NREP: variants seen among roughly 807,000 people sequenced by gnomAD.
The protein encoded by NREP is neuronal regeneration-related protein.
Under a neutral mutation model 8.6 loss-of-function variants are expected in NREP, and 5 were observed. The ratio of observed to expected loss-of-function variants is 0.58; its 90% CI spans 0.30 to 1.22. NREP has a LOEUF of 1.22. Among genes scored for constraint, NREP ranks in the 50% most tolerant of loss-of-function variants. NREP has a pLI of 0.07. For synonymous variants in NREP, 27 were observed against 28.0 expected (o/e 0.96, Z 0.11); for missense variants, 86 against 82.5 (o/e 1.04, Z -0.17).
intron 2 of NREP, among the ~76,000 whole-genome samples, chr5:111,853,018 G>A (rs1404283648): frequency 1.3e-5 from 2 of 152,102 alleles, no homozygotes; most frequent in Admixed American, 1.3e-4. Flanking sequence ...GCTTGGGGTG[G>A]TGGAAGCACT....
chr5:111,851,497 G>C (rs892919975), intron 2 of NREP, among the ~76,000 whole-genome samples: 2 of 152,128 alleles, frequency 1.3e-5, no homozygotes, highest in Non-Finnish European at 2.9e-5. Flanking sequence ...AAGAGAGAGA[G>C]AGACAGACTG....
intron 2 of NREP, among the ~76,000 whole-genome samples, chr5:111,845,512 T>C (rs1011633277): frequency 6.6e-6 from 1 of 152,170 alleles, no homozygotes; most frequent in Non-Finnish European, 1.5e-5. Flanking sequence ...ACACAGACAT[T>C]TCAATTTGTA....
At chr5:111,919,243 T>C (rs568297245) in intron 2 of NREP, among the ~76,000 whole-genome samples, 3 of 152,124 alleles carry the variant, frequency 2.0e-5, no homozygotes, top group South Asian at 2.1e-4. Context: ...CTGGAGAGGA[T>C]GTGCATAAAT....
intron 2 of NREP, among the ~76,000 whole-genome samples, chr5:111,813,481 CGT>C (rs1374589438): frequency 6.6e-6 from 1 of 152,008 alleles, no homozygotes; most frequent in Non-Finnish European, 1.5e-5. Flanking sequence ...TGCTTGTATT[CGT>C]TCATGCTTAT....
At chr5:111,969,706 G>T (rs564425056) in intron 2 of NREP, 4 of 152,164 alleles carry the variant, frequency 2.6e-5, no homozygotes. Flanking sequence ...AGAGAATAAG[G>T]TCTCCATTAC....
chr5:111,964,903 T>C (rs1465054854), intron 2 of NREP, among the ~76,000 whole-genome samples: 1 of 97,780 alleles, frequency 1.0e-5, no homozygotes, highest in Admixed American at 1.1e-4. Flanking sequence ...AAAGAAACCA[T>C]GTAATTCTAA....
chr5:111,758,329 C>T, upstream of NREP: 1 of 844,490 alleles, frequency 1.2e-6, no homozygotes, highest in Non-Finnish European at 1.4e-6. Flanking sequence ...TCCCTATACG[C>T]TCCCCCACTG....
chr5:111,766,298 A>G (rs1751081819), intron 2 of NREP, among the ~76,000 whole-genome samples: 1 of 152,208 alleles, frequency 6.6e-6, no homozygotes, highest in African/African-American at 2.4e-5. Flanking sequence ...GGATTCTGAG[A>G]CTGTTCATAT....
chr5:111,862,677 G>A (rs1753576242), intron 2 of NREP, among the ~76,000 whole-genome samples: 1 of 151,888 alleles, frequency 6.6e-6, no homozygotes, highest in African/African-American at 2.4e-5. Flanking sequence ...CTTGTACAAA[G>A]TCCTGTGCTA....
chr5:111,898,290 T>G (rs996772303), intron 2 of NREP, among the ~76,000 whole-genome samples: 7 of 152,060 alleles, frequency 4.6e-5, no homozygotes, highest in African/African-American at 1.7e-4. Context: ...TGGAGCAGGA[T>G]GGTAATTCAG....
upstream of NREP, among the ~76,000 whole-genome samples, chr5:111,758,848 A>ACT (rs1477608622): frequency 6.6e-6 from 1 of 152,240 alleles, no homozygotes; most frequent in African/African-American, 2.4e-5. Flanking sequence ...TGTTGCTGGG[A>ACT]CTATAGGTCA....
chr5:111,950,014 C>T (rs1756108425), intron 2 of NREP, among the ~76,000 whole-genome samples: 1 of 152,046 alleles, frequency 6.6e-6, no homozygotes, highest in Non-Finnish European at 1.5e-5. Context: ...ATACTGTCTT[C>T]CACAATGGTT....
chr5:111,733,309 T>C (rs1291943054), intron 3 of NREP: 2 of 152,108 alleles, frequency 1.3e-5, no homozygotes, highest in African/African-American at 4.8e-5. Context: ...TGGACCCTCA[T>C]GAGGCAATGG....
At chr5:111,897,398 A>T (rs1460282399) in intron 2 of NREP, among the ~76,000 whole-genome samples, 3 of 152,304 alleles carry the variant, frequency 2.0e-5, no homozygotes, top group South Asian at 4.1e-4. Flanking sequence ...GCCAAATGTT[A>T]ACGGCTCATT....
chr5:111,808,963 A>G (rs1189529697), intron 2 of NREP, among the ~76,000 whole-genome samples: 12 of 152,224 alleles, frequency 7.9e-5, no homozygotes, highest in Admixed American at 7.9e-4. Flanking sequence ...TGTTATAATT[A>G]CAAATGACCT....
intron 2 of NREP, among the ~76,000 whole-genome samples, chr5:111,880,705 A>G (rs1418398918): frequency 6.9e-6 from 1 of 144,200 alleles, no homozygotes; most frequent in African/African-American, 2.5e-5. Flanking sequence ...GATACAATTT[A>G]GTGCATAACA....
chr5:111,883,717 A>G (rs1309505796), intron 2 of NREP, among the ~76,000 whole-genome samples: 3 of 152,202 alleles, frequency 2.0e-5, no homozygotes, highest in Admixed American at 6.5e-5. Flanking sequence ...CTGCTCCTGA[A>G]TGACTACTGG....
At chr5:111,866,599 G>A (rs1753669593) in intron 2 of NREP, among the ~76,000 whole-genome samples, 1 of 152,074 alleles carries the variant, frequency 6.6e-6, no homozygotes, top group Non-Finnish European at 1.5e-5. Context: ...ATTCCTCAGG[G>A]ATCTAGAACT....
intron 2 of NREP, among the ~76,000 whole-genome samples, chr5:111,882,489 G>T (rs986813516): frequency 6.6e-6 from 1 of 152,164 alleles, no homozygotes; most frequent in Non-Finnish European, 1.5e-5. Context: ...ACGCAACAAA[G>T]ATACTCCTCA....
Sources: gnomAD v4.1 joint callset for allele counts (sites outside exome capture counted in the v4.1 genomes callset) on GRCh38, gnomAD v4.1.1 for gene constraint, MANE v1.5 for transcripts, NCBI Gene and HGNC (gene_info 2026-07-23, HGNC 2026-07-21) for gene names.